Variants in CCDC57 observed in about 807,000 individuals in gnomAD.
CCDC57 encodes the protein coiled-coil domain containing 57.
Under a neutral mutation model 118.9 loss-of-function variants are expected in CCDC57, and 118 were observed. That is an observed-to-expected ratio of 0.99 (90% CI 0.86 to 1.16). CCDC57 has a LOEUF of 1.16. CCDC57 is among the 50% of genes most tolerant of loss of function. The probability of loss-of-function intolerance (pLI) is 0.00; values close to 1 mark genes in which losing one functional copy is unlikely to be tolerated. For missense variants in CCDC57, 1,300 were observed against 1,320.7 expected, an observed-to-expected ratio of 0.98 and a Z score of 0.24; for synonymous variants, 527 against 532.9, an observed-to-expected ratio of 0.99 and a Z score of 0.15.
chr17:82,102,257 C>A (rs2034501329), intron 19 of CCDC57, among the ~76,000 whole-genome samples: 1 of 152,212 alleles, frequency 6.6e-6, no homozygotes, highest in African/African-American at 2.4e-5. Context: ...CTCCTCCCCC[C>A]AGGCTGCCCC....
At chr17:82,146,808 CGT>C (rs1387203594) in intron 16 of CCDC57, among the ~76,000 whole-genome samples, 3 of 152,116 alleles carry the variant, frequency 2.0e-5, no homozygotes, top group Non-Finnish European at 4.4e-5. Flanking sequence ...CACACACAAA[CGT>C]GTGTGCACAC....
intron 13 of CCDC57, among the ~76,000 whole-genome samples, chr17:82,164,114 G>A (rs1446626446): frequency 2.6e-5 from 4 of 152,046 alleles, no homozygotes; most frequent in Non-Finnish European, 5.9e-5. Flanking sequence ...GGTGGCTCAC[G>A]CCTGTAATCT....
chr17:82,204,960 G>A (rs938080251), intron 2 of CCDC57, among the ~76,000 whole-genome samples: 1 of 152,216 alleles, frequency 6.6e-6, no homozygotes, highest in Non-Finnish European at 1.5e-5. Flanking sequence ...ACCTCAACCT[G>A]AACATCACTG....
intron 19 of CCDC57, chr17:82,113,529 G>A (rs1395421857): frequency 4.2e-6 from 3 of 717,592 alleles, no homozygotes; most frequent in Admixed American, 2.0e-5. Flanking sequence ...GGCCCGCGCT[G>A]CATGTTTTTG....
intron 13 of CCDC57, 127 bp from the exon 13 acceptor site, chr17:82,163,484 C>T (rs1020765445): frequency 4.3e-5 from 44 of 1,030,096 alleles, no homozygotes; most frequent in African/African-American, 1.4e-4. Flanking sequence ...GACCCCAATG[C>T]GAAGCTGTTC....
intron 19 of CCDC57, among the ~76,000 whole-genome samples, chr17:82,121,596 A>G (rs1394749051): frequency 6.6e-6 from 1 of 151,610 alleles, no homozygotes; most frequent in Non-Finnish European, 1.5e-5. Context: ...TGGCCTTCTC[A>G]GGGGATGGTG....
rs375294411 is a variant in CCDC57 at position 82,178,530 on chromosome 17, G to A, written c.1450C>T (p.Arg484Ter). ...CTCAGGGCCTGCACGGCCTGGTCTC[G>A]TTCCAGGGTCACGGCCTTCAGCACC... Residue 484 changes from arginine (R) to a stop codon, truncating the protein, a stop_gained, in exon 11 of 20, where the codon CGA becomes TGA. Coordinates refer to ENST00000665763, the Ensembl canonical transcript of CCDC57. LOFTEE classifies it high-confidence loss of function. 41 of 1,613,786 alleles carry A rather than the reference G, an allele frequency of 2.5e-5. No homozygotes were observed. The highest frequency in any genetic ancestry group is 1.6e-4 in the Middle Eastern group (1 of 6,062).
At chr17:82,124,990 C>G (rs756867067) in intron 19 of CCDC57, among the ~76,000 whole-genome samples, 1 of 152,140 alleles carries the variant, frequency 6.6e-6, no homozygotes, top group Admixed American at 6.5e-5. Context: ...CCTAAGAATC[C>G]TGAGCACAGA....
rs150056617 is a variant in CCDC57 at position 82,192,644 on chromosome 17, G to A, written c.851+1112C>T. On this transcript the variant is annotated intron_variant, in intron 7 of 19. Transcript: ENST00000665763. The surrounding 1 kb of genome is among the most constrained non-coding windows in gnomAD (Gnocchi z 4.0). ...GTGTCTGTTTGGGCTCGACTGCCTC[G>A]GTTTCCTCATCTAGGTAGAGAACCC... Among the ~76,000 whole-genome samples, 1,338 of 152,230 alleles carry A rather than the reference G, an allele frequency of 8.8e-3. 12 individuals are homozygous for A. Among genetic ancestry groups the A allele is most frequent in the Non-Finnish European group, 0.014 (984 of 68,018 alleles).
intron 19 of CCDC57, chr17:82,113,573 C>A (rs143943969): frequency 9.2e-5 from 66 of 717,656 alleles, no homozygotes; most frequent in African/African-American, 8.4e-4. Context: ...CATTCCCCCT[C>A]GCATTCCTGG....
In CCDC57 at chr17:82,115,523, C is replaced by T. The variant is rs114803289; in HGVS notation, c.2899+12169G>A. 9.0e-3 allele frequency among the ~76,000 whole-genome samples: 1,367 copies of T among 152,168 alleles called. 17 individuals carry two copies. The highest frequency in any genetic ancestry group is 0.032 in the African/African-American group (1,312 of 41,512). On this transcript the variant is annotated intron_variant, in intron 19 of 19. Transcript: ENST00000665763. ...TGGTGGCTTACGCCTGTAATCCCAG[C>T]GCTTAGGGAGGCTGACATGGGAGCA...
intron 13 of CCDC57, among the ~76,000 whole-genome samples, chr17:82,170,397 A>G (rs1446203327): frequency 2.0e-5 from 3 of 151,484 alleles, no homozygotes. Context: ...AATCCCAGCT[A>G]CTCAGGAGGC....
chr17:82,106,243 C>T (rs1236182916), intron 19 of CCDC57: 1 of 152,454 alleles, frequency 6.6e-6, no homozygotes, highest in Admixed American at 6.5e-5. Context: ...GGGCATAAGG[C>T]TTTGAGAGAC....
intron 19 of CCDC57, among the ~76,000 whole-genome samples, chr17:82,122,159 C>T (rs1730693312): frequency 6.6e-6 from 1 of 152,222 alleles, no homozygotes; most frequent in African/African-American, 2.4e-5. Context: ...TCCTACACCG[C>T]TCCTTCCTCC....
chr17:82,136,242 A>G (rs1231326707), intron 16 of CCDC57, among the ~76,000 whole-genome samples: 2 of 152,218 alleles, frequency 1.3e-5, no homozygotes, highest in Non-Finnish European at 2.9e-5. Context: ...CCCCCAGCAA[A>G]GAGCTCTTCC....
intron 2 of CCDC57, among the ~76,000 whole-genome samples, chr17:82,205,748 C>A (rs1042078286): frequency 6.6e-6 from 1 of 152,196 alleles, no homozygotes; most frequent in Non-Finnish European, 1.5e-5. Flanking sequence ...AGAAGAGCAG[C>A]CTGAAAAATC....
chr17:82,115,723 G>C (rs755209675), intron 19 of CCDC57, among the ~76,000 whole-genome samples: 1 of 150,444 alleles, frequency 6.6e-6, no homozygotes, highest in Non-Finnish European at 1.5e-5. Flanking sequence ...AGCTGAGATC[G>C]CACCACTGCA....
At chr17:82,121,691 G>A (rs528836289) in intron 19 of CCDC57, among the ~76,000 whole-genome samples, 9 of 152,328 alleles carry the variant, frequency 5.9e-5, no homozygotes, top group African/African-American at 1.7e-4. Context: ...TGGGACTGAG[G>A]GCTCCGATGA....
intron 16 of CCDC57, 124 bp from the exon 16 acceptor site, chr17:82,134,318 A>T (rs1277630047): frequency 3.3e-5 from 33 of 992,084 alleles, no homozygotes; most frequent in Non-Finnish European, 4.3e-5. Flanking sequence ...CTTCCATTAC[A>T]TCGAGAACTT....
Sources: gnomAD v4.1 joint callset for allele counts (sites outside exome capture counted in the v4.1 genomes callset) on GRCh38, gnomAD v4.1.1 for gene constraint, Gnocchi (gnomAD v3.1) non-coding constraint, MANE v1.5 for transcripts, NCBI Gene and HGNC (gene_info 2026-07-23, HGNC 2026-07-21) for gene names.